The following PIK3C2A variants were observed in gnomAD, a reference collection of about 807,000 sequenced individuals.
PIK3C2A encodes the protein phosphatidylinositol 4-phosphate 3-kinase C2 domain-containing subunit alpha.
Under a neutral mutation model 204.5 loss-of-function variants are expected in PIK3C2A, and 97 were observed. That is an observed-to-expected ratio of 0.47 (90% CI 0.40 to 0.56). The LOEUF (loss-of-function observed/expected upper bound fraction) is 0.56, where lower values mean the gene tolerates loss of function less well. Among genes scored for constraint, PIK3C2A ranks in the 20% least tolerant of loss-of-function variants. The pLI is 0.00. For synonymous variants in PIK3C2A, 653 were observed against 664.4 expected (o/e 0.98, Z 0.26); for missense variants, 1,735 against 1,969.2 (o/e 0.88, Z 2.25).
chr11:17,122,205 ATG>A lies in PIK3C2A; in HGVS notation c.2638_2639del (p.His880Ter). On this transcript the variant is annotated frameshift_variant, in exon 15 of 33. Coordinates refer to ENST00000691414, the MANE Select transcript of PIK3C2A (RefSeq NM_002645.4). LOFTEE classifies it high-confidence loss of function. ...GAACATACCCAAGTGATGAGTCTTT[ATG>A]AAGAATATCAAGAAGTTTCCCTTTT... is the stretch of plus-strand genomic sequence containing the variant. ...DIKGKLLDIL[H>X]KDSSLGLSKE... The A allele has an allele frequency of 1.3e-6, 2 of 1,584,094 alleles. No homozygotes were observed. Among genetic ancestry groups the A allele is most frequent in the Non-Finnish European group, 1.7e-6 (2 of 1,155,306 alleles).
chr11:17,172,286 A>G (rs1034843124), intron 1 of PIK3C2A, among the ~76,000 whole-genome samples: 1 of 152,216 alleles, frequency 6.6e-6, no homozygotes, highest in Non-Finnish European at 1.5e-5. Context: ...TTCCAAATCT[A>G]GGTCCTAAGA....
chr11:17,189,694 C>A (rs1340455967), intron 1 of PIK3C2A, among the ~76,000 whole-genome samples: 1 of 151,186 alleles, frequency 6.6e-6, no homozygotes, highest in Non-Finnish European at 1.5e-5. Flanking sequence ...TCACATTTCC[C>A]CTCCCTAATA....
rs146070688 is a variant in PIK3C2A at position 17,145,922 on chromosome 11, G to A, written c.1581C>T (p.Pro527=). ...LARTAEDDET[P]VDLNKHLYQI... ...GATACAGGTGTTTGTTTAAATCCACGGGTGTTTCATCATCTTCTGCCTAAA... is the reference window on the plus strand; with the variant it reads ...GATACAGGTGTTTGTTTAAATCCACAGGTGTTTCATCATCTTCTGCCTAAA... Residue 527 remains proline (P), a synonymous_variant, in exon 7 of 33, where the codon CCC becomes CCT. Coordinates refer to ENST00000691414, the MANE Select transcript of PIK3C2A (RefSeq NM_002645.4). The A allele has an allele frequency of 4.8e-5, 78 of 1,612,990 alleles. No individual in the cohort carries two copies. The highest frequency in any genetic ancestry group is 3.7e-4 in the African/African-American group (28 of 74,954).
At chr11:17,118,440 G>C (rs914402187) in intron 18 of PIK3C2A, among the ~76,000 whole-genome samples, 2 of 152,210 alleles carry the variant, frequency 1.3e-5, no homozygotes, top group African/African-American at 4.8e-5. Flanking sequence ...CATTATTACA[G>C]AGCTATAAGA....
chr11:17,134,645 GC>G (rs2137389552), intron 11 of PIK3C2A, among the ~76,000 whole-genome samples, 173 bp downstream of exon 11: 1 of 152,314 alleles, frequency 6.6e-6, no homozygotes, highest in Admixed American at 6.5e-5. Flanking sequence ...ACAGGCATGA[GC>G]CACCGTGCCT....
chr11:17,191,077 C>T (rs747337353), intron 1 of PIK3C2A, among the ~76,000 whole-genome samples: 1 of 152,180 alleles, frequency 6.6e-6, no homozygotes, highest in African/African-American at 2.4e-5. Context: ...GAAATTATGT[C>T]GGTTCTTATT....
chr11:17,096,251 C>T (rs1233230998), intron 27 of PIK3C2A, among the ~76,000 whole-genome samples: 1 of 143,392 alleles, frequency 7.0e-6, no homozygotes, highest in Non-Finnish European at 1.5e-5. Context: ...GTTGGCCAGG[C>T]TGGTCTTGAA....
At chr11:17,172,417 C>T (rs1851205760) in intron 1 of PIK3C2A, among the ~76,000 whole-genome samples, 1 of 152,146 alleles carries the variant, frequency 6.6e-6, no homozygotes, top group Admixed American at 6.6e-5. Context: ...AGTGAAGCCA[C>T]CATCTTAGAC....
chr11:17,203,653 C>G (rs539266075), intron 1 of PIK3C2A, among the ~76,000 whole-genome samples: 1 of 152,046 alleles, frequency 6.6e-6, no homozygotes, highest in Non-Finnish European at 1.5e-5. Context: ...AGAACCAAGA[C>G]AGAATAGCCT....
chr11:17,154,043 C>T, intron 3 of PIK3C2A, among the ~76,000 whole-genome samples: 1 of 152,154 alleles, frequency 6.6e-6, no homozygotes. Flanking sequence ...CTCATTCTCT[C>T]TTTAGTCCAT....
chr11:17,092,407 CGGTGGCTCAT>C (rs1292309718), intron 28 of PIK3C2A, 131 bp from the exon 29 acceptor site: 1 of 620,182 alleles, frequency 1.6e-6, no homozygotes, highest in Non-Finnish European at 2.8e-6. Flanking sequence ...TGGCCGGGCA[CGGTGGCTCAT>C]GGCCTTTGGG....
chr11:17,129,048 TG>T (rs2137371037), intron 13 of PIK3C2A, among the ~76,000 whole-genome samples: 1 of 152,380 alleles, frequency 6.6e-6, no homozygotes, highest in African/African-American at 2.4e-5. Context: ...CATTGGCTGC[TG>T]CTTTTCTCCA....
intron 1 of PIK3C2A, among the ~76,000 whole-genome samples, chr11:17,181,346 A>ATT (rs75441780): frequency 0.035 from 5,143 of 148,668 alleles, 137 homozygotes; most frequent in Middle Eastern, 0.045. Context: ...CAATCATCTG[A>ATT]TTTTTTTTTT....
chr11:17,161,400 G>A (rs1261507100), intron 2 of PIK3C2A, among the ~76,000 whole-genome samples: 5 of 151,976 alleles, frequency 3.3e-5, no homozygotes, highest in South Asian at 2.1e-4. Flanking sequence ...TTGCCAATGG[G>A]GATATGTTTA....
chr11:17,140,655 A>G (rs1850033486), intron 8 of PIK3C2A, among the ~76,000 whole-genome samples: 2 of 152,212 alleles, frequency 1.3e-5, no homozygotes, highest in Non-Finnish European at 2.9e-5. Flanking sequence ...TGAGGCTGGG[A>G]GTGAGGATTG....
chr11:17,112,710 G>T, intron 20 of PIK3C2A, 44 bp from the exon 21 acceptor site: 1 of 1,042,386 alleles, frequency 9.6e-7, no homozygotes, highest in Non-Finnish European at 1.4e-6. Flanking sequence ...AAATGAAAAT[G>T]GATTTAGAAT....
chr11:17,196,760 T>C (rs1198524045), intron 1 of PIK3C2A, among the ~76,000 whole-genome samples: 5 of 151,968 alleles, frequency 3.3e-5, no homozygotes, highest in South Asian at 2.1e-4. Flanking sequence ...TTAGTAGAGA[T>C]GGGGTTTCAC....
intron 2 of PIK3C2A, among the ~76,000 whole-genome samples, chr11:17,163,230 T>C (rs1470679591): frequency 6.6e-6 from 1 of 152,092 alleles, no homozygotes; most frequent in Non-Finnish European, 1.5e-5. Flanking sequence ...CACTTGAACC[T>C]GGGAGGTGGA....
chr11:17,191,804 A>T (rs1440144873), intron 1 of PIK3C2A, among the ~76,000 whole-genome samples: 1 of 152,130 alleles, frequency 6.6e-6, no homozygotes, highest in African/African-American at 2.4e-5. Context: ...TCTTCATAAA[A>T]GTTTTAGGTT....
Sources: gnomAD v4.1 joint callset for allele counts (sites outside exome capture counted in the v4.1 genomes callset) on GRCh38, gnomAD v4.1.1 for gene constraint, MANE v1.5 for transcripts, NCBI Gene and HGNC (gene_info 2026-07-23, HGNC 2026-07-21) for gene names.